The following DLK1 variants were observed in gnomAD, a reference collection of about 807,000 sequenced individuals.
DLK1 encodes protein delta homolog 1.
Under a neutral mutation model 35.2 loss-of-function variants are expected in DLK1, and 9 were observed. That is an observed-to-expected ratio of 0.26 (90% CI 0.15 to 0.45). DLK1 has a LOEUF of 0.45. Among genes scored for constraint, DLK1 ranks in the 20% least tolerant of loss-of-function variants. The pLI is 1.00. For missense variants in DLK1, 522 were observed against 528.5 expected (o/e 0.99, Z 0.12); for synonymous variants, 231 against 228.4 (o/e 1.01, Z -0.10).
At chr14:100,733,641 C>T (rs1361683855) in intron 4 of DLK1, among the ~76,000 whole-genome samples, 1 of 152,074 alleles carries the variant, frequency 6.6e-6, no homozygotes, top group South Asian at 2.1e-4. Flanking sequence ...GACAGCGGGT[C>T]CCGGGATAGA....
intron 2 of DLK1, 88 bp from the exon 3 acceptor site, chr14:100,728,848 G>C: frequency 1.3e-6 from 2 of 1,543,914 alleles, no homozygotes; most frequent in South Asian, 2.4e-5. Context: ...ACCCCCAAGG[G>C]TCCTTGGTTC....
In DLK1 at chr14:100,733,017, G is replaced by A. The variant is rs116307133; in HGVS notation, c.404+834G>A. ...AATAAGCTTATCTTGACCGGACATC[G>A]CAGGGTGGCACAGAGACCCCAGTAG... On this transcript the variant is annotated intron_variant, in intron 4 of 4. Coordinates refer to ENST00000341267, the MANE Select transcript of DLK1 (RefSeq NM_003836.7). Among the ~76,000 whole-genome samples, 1,032 of 152,248 alleles carry A rather than the reference G, an allele frequency of 6.8e-3. 13 individuals carry two copies. Among genetic ancestry groups the A allele is most frequent in the African/African-American group, 0.022 (924 of 41,528 alleles).
At position 100,734,640 on chromosome 14, in the gene DLK1, TCAC is replaced by T. The variant is rs2036550348; in HGVS notation, c.898_900del (p.Thr300del). ...GAGCTCAACAAGAAAACCCCTCTCC[TCAC>T]CGAGGGCCAGGCCATCTGCTTCACC... is the stretch of plus-strand genomic sequence containing the variant. On this transcript the variant is annotated inframe_deletion, in exon 5 of 5. Transcript: ENST00000341267. This position sits in a 1 kb window ranked among gnomAD's most constrained non-coding sequence, Gnocchi z 7.4. The T allele has an allele frequency of 6.2e-7, 1 of 1,613,846 alleles. No homozygotes were observed. Among genetic ancestry groups the T allele is most frequent in the African/African-American group, 1.3e-5 (1 of 75,010 alleles).
chr14:100,737,010 C>T lies in DLK1; in HGVS notation c.*2114C>T, dbSNP rs2036581200. ...CCTTCCGATCCCCGTCATCCTTCCC[C>T]TCTGATCCCCCACCCTTCCCCTCCT... On this transcript the variant is annotated 3_prime_UTR_variant, in exon 5 of 5. Coordinates refer to ENST00000341267, the MANE Select transcript of DLK1 (RefSeq NM_003836.7). 9.2e-6 allele frequency: 1 copy of T among 108,996 alleles called. No homozygotes were observed. Among genetic ancestry groups the T allele is most frequent in the Non-Finnish European group, 1.9e-5 (1 of 52,348 alleles). The allele number at this position is 108,996 out of a possible 1,614,324, so 6.8% of individuals were successfully genotyped here.
chr14:100,733,473 C>T (rs1251976655), intron 4 of DLK1, among the ~76,000 whole-genome samples: 1 of 152,218 alleles, frequency 6.6e-6, no homozygotes, highest in Non-Finnish European at 1.5e-5. Flanking sequence ...CAGCCTGGTA[C>T]AGACGCTGGC....
rs2036569605 is a variant in DLK1 at position 100,736,156 on chromosome 14, A to T, written c.*1260A>T. On this transcript the variant is annotated 3_prime_UTR_variant, in exon 5 of 5. Coordinates refer to ENST00000341267, the MANE Select transcript of DLK1 (RefSeq NM_003836.7). ...CTCAAAAGACCTAGCCAGCTTCTGA[A>T]TTTTGAATTTGACTTTTTTTTTTTT... 1 of 136,874 alleles carries T rather than the reference A, an allele frequency of 7.3e-6. No homozygotes were observed. The highest frequency in any genetic ancestry group is 7.7e-5 in the Admixed American group (1 of 12,926). The allele number at this position is 136,874 out of a possible 1,614,324, so 8.5% of individuals were successfully genotyped here. A position where few individuals can be genotyped will look rare whatever the true frequency, so the allele number is the denominator to read the frequency against.
Position 100,734,060 on chromosome 14 carries a change from C to T in DLK1, c.405-89C>T. ...TTAAGCACCTGCCCCTTAGTCAGGC[C>T]AGGGACCTTCTGCCCTGAGCCCCGT... On this transcript the variant is annotated intron_variant, in intron 4 of 4. Transcript: ENST00000341267. The surrounding 1 kb of genome is among the most constrained non-coding windows in gnomAD (Gnocchi z 7.4). 1 of 1,481,224 alleles carries T rather than the reference C, an allele frequency of 6.8e-7. No individual in the cohort carries two copies. The highest frequency in any genetic ancestry group is 1.3e-5 in the South Asian group (1 of 74,278). The allele number at this position is 1,481,224 out of a possible 1,614,324, so 91.8% of individuals were successfully genotyped here.
Position 100,734,383 on chromosome 14 carries a change from C to G in DLK1, c.639C>G (p.Ala213=). 6.2e-7 allele frequency: 1 copy of G among 1,611,938 alleles called. No individual in the cohort carries two copies. The highest frequency in any genetic ancestry group is 8.5e-7 in the Non-Finnish European group (1 of 1,179,164). ...KTCSRPVTNC[A]SSPCQNGGTC... ...GCAGCCGCCCGGTGACCAACTGCGCCAGCAGCCCGTGCCAGAACGGGGGCA... is the reference window on the plus strand; with the variant it reads ...GCAGCCGCCCGGTGACCAACTGCGCGAGCAGCCCGTGCCAGAACGGGGGCA... The change falls in exon 5 of 5, where the codon GCC becomes GCG. Residue 213 remains alanine (A), a synonymous_variant. Transcript: ENST00000341267. The surrounding 1 kb of genome is among the most constrained non-coding windows in gnomAD (Gnocchi z 7.4).
At position 100,735,049 on chromosome 14, in the gene DLK1, ACGC is replaced by A; in HGVS notation, c.*154_*156del. The A allele has an allele frequency of 1.0e-6, 1 of 979,544 alleles. No homozygotes were observed. The highest frequency in any genetic ancestry group is 1.4e-6 in the Non-Finnish European group (1 of 705,208). 60.7% of individuals were successfully genotyped at this position (979,544 alleles called of 1,614,324 possible). On this transcript the variant is annotated 3_prime_UTR_variant, in exon 5 of 5. Coordinates refer to ENST00000341267, the MANE Select transcript of DLK1 (RefSeq NM_003836.7). ...TTGTCTTTGTGCTGCTGTGTGACAA[ACGC>A]AATGCAAAAACAATCCTCTTTCTCT...
intron 3 of DLK1, among the ~76,000 whole-genome samples, chr14:100,729,728 C>G (rs1201627044): frequency 6.6e-6 from 1 of 152,204 alleles, no homozygotes; most frequent in Non-Finnish European, 1.5e-5. Context: ...AGTTGGCTGT[C>G]ACTGCATTTT....
rs1381727420 is a variant in DLK1 at position 100,735,888 on chromosome 14, A to G, written c.*992A>G. ...CCCCCACCCCTCTTTGCCCACCCAG[A>G]ACCCCAACACTATACCTGCCTCTAC... On this transcript the variant is annotated 3_prime_UTR_variant, in exon 5 of 5. Transcript: ENST00000341267. The G allele has an allele frequency of 6.6e-6, 1 of 150,480 alleles. No homozygotes were observed. Among genetic ancestry groups the G allele is most frequent in the Admixed American group, 6.6e-5 (1 of 15,114 alleles). The allele number at this position is 150,480 out of a possible 1,614,324, so 9.3% of individuals were successfully genotyped here.
In DLK1 at chr14:100,733,124, C is replaced by T. The variant is rs138292922; in HGVS notation, c.404+941C>T. On this transcript the variant is annotated intron_variant, in intron 4 of 4. Transcript: ENST00000341267. ...GGGTCAGAGTGGGGGCTGGTGAAGA[C>T]TGAACTCCATTTCTGCTTATTAGCA... 5.5e-4 allele frequency among the ~76,000 whole-genome samples: 84 copies of T among 152,330 alleles called. 1 individual carries two copies. Among genetic ancestry groups the T allele is most frequent in the African/African-American group, 2.0e-3 (82 of 41,574 alleles).
intron 4 of DLK1, among the ~76,000 whole-genome samples, chr14:100,732,467 G>A (rs1487134074): frequency 6.6e-6 from 1 of 152,180 alleles, no homozygotes; most frequent in Non-Finnish European, 1.5e-5. Context: ...ACTGACACTC[G>A]GAGCTGCGTA....
chr14:100,728,466 G>T lies in DLK1; in HGVS notation c.131+7G>T. 1 of 1,614,030 alleles carries T rather than the reference G, an allele frequency of 6.2e-7. No homozygotes were observed. The highest frequency in any genetic ancestry group is 8.5e-7 in the Non-Finnish European group (1 of 1,179,980). ...AGGATGACAATGTTTGCAGGTAATA[G>T]AGTGGCTCCTCAGAGGCAGCTTGTA... On this transcript the variant is annotated splice_region_variant and intron_variant, in intron 2 of 4. Coordinates refer to ENST00000341267, the MANE Select transcript of DLK1 (RefSeq NM_003836.7).
chr14:100,726,924 A>C lies in DLK1; in HGVS notation c.-145A>C. Reference sequence around the variant, plus strand: ...CCCCGGCAGCGGCGGTGGAGAGCGCAGCGCGCAGCCCGGTGCAGCCCTGGC... The same window carrying C: ...CCCCGGCAGCGGCGGTGGAGAGCGCCGCGCGCAGCCCGGTGCAGCCCTGGC... On this transcript the variant is annotated 5_prime_UTR_variant, in exon 1 of 5. Transcript: ENST00000341267. The surrounding 1 kb of genome is among the most constrained non-coding windows in gnomAD (Gnocchi z 4.2). The C allele has an allele frequency of 1.5e-6, 1 of 678,972 alleles. No individual in the cohort carries two copies. Among genetic ancestry groups the C allele is most frequent in the Non-Finnish European group, 2.0e-6 (1 of 491,684 alleles). 42.1% of individuals were successfully genotyped at this position (678,972 alleles called of 1,614,324 possible).
chr14:100,728,709 C>G, intron 2 of DLK1: 1 of 671,644 alleles, frequency 1.5e-6, no homozygotes, highest in South Asian at 1.9e-5. Flanking sequence ...CGGCAAAACG[C>G]AGCACTCCCC....
In DLK1 at chr14:100,735,150, C is replaced by A; in HGVS notation, c.*254C>A. On this transcript the variant is annotated 3_prime_UTR_variant, in exon 5 of 5. Transcript: ENST00000341267. ...GAGTAAGAGAAATAAGTATGTTATT[C>A]TAAAATCTAAACTCAAATGAAATTT... 2.7e-6 allele frequency: 1 copy of A among 374,272 alleles called. No homozygotes were observed. Among genetic ancestry groups the A allele is most frequent in the Non-Finnish European group, 4.6e-6 (1 of 218,736 alleles). 23.2% of individuals were successfully genotyped at this position (374,272 alleles called of 1,614,324 possible). A position where few individuals can be genotyped will look rare whatever the true frequency, so the allele number is the denominator to read the frequency against.
chr14:100,729,182 C>A, intron 3 of DLK1, 116 bp downstream of exon 3: 1 of 1,496,464 alleles, frequency 6.7e-7, no homozygotes. Context: ...TTCCTGCACA[C>A]TCCGTGCCCT....
At position 100,728,433 on chromosome 14, in the gene DLK1, A is replaced by G. The variant is rs768148700; in HGVS notation, c.105A>G (p.Gly35=). 3 of 1,613,800 alleles carry G rather than the reference A, an allele frequency of 1.9e-6. No homozygotes were observed. The African/African-American group carries it at 4.0e-5, about 22-fold the overall frequency. Residue 35 remains glycine (G), a synonymous_variant, in exon 2 of 5, where the codon GGA becomes GGG. Transcript: ENST00000341267. ...TCCCGGCCTGCAACCCCCAAAATGG[A>G]TTCTGCGAGGATGACAATGTTTGCA... The part of the protein sequence containing the change: ...ECFPACNPQN[G]FCEDDNVCRC...
Sources: allele counts gnomAD v4.1 joint callset (sites outside exome capture counted in the v4.1 genomes callset), GRCh38; gene constraint gnomAD v4.1.1; non-coding constraint Gnocchi (gnomAD v3.1); transcripts MANE v1.5; gene names NCBI Gene and HGNC (gene_info 2026-07-23, HGNC 2026-07-21).